The following PBX1 variants were observed in gnomAD, a reference collection of about 807,000 sequenced individuals.
PBX1 encodes PBX homeobox 1.
PBX1 carries 6 observed loss-of-function variants against 53.4 expected under a neutral mutation model. The ratio of observed to expected loss-of-function variants is 0.11; its 90% confidence interval spans 0.06 to 0.22. The LOEUF (loss-of-function observed/expected upper bound fraction) is 0.22. Ranked by LOEUF, PBX1 falls within the 10% of genes least tolerant of loss-of-function variation. The pLI is 1.00. For missense variants in PBX1, 251 were observed against 551.4 expected, an observed-to-expected ratio of 0.46 and a Z score of 5.46; for synonymous variants, 204 against 212.3, an observed-to-expected ratio of 0.96 and a Z score of 0.34.
At chr1:164,571,935 A>C (rs1288564372) in intron 2 of PBX1, among the ~76,000 whole-genome samples, 1 of 48,172 alleles carries the variant, frequency 2.1e-5, no homozygotes, top group Admixed American at 3.1e-4. Context: ...TTTTTTTTTT[A>C]AGATGGTGTG....
In PBX1 at chr1:164,805,879, A is replaced by T. The variant is rs768773049; in HGVS notation, c.702-1663A>T. 2.8e-4 allele frequency among the ~76,000 whole-genome samples: 43 copies of T among 152,314 alleles called. 1 individual carries two copies. Among genetic ancestry groups the T allele is most frequent in the Middle Eastern group, 3.4e-3 (1 of 294 alleles). On this transcript the variant is annotated intron_variant, in intron 4 of 8. Coordinates refer to ENST00000420696, the MANE Select transcript of PBX1 (RefSeq NM_002585.4). ...CTTGGGCTTGGCATAATCTGGACAG[A>T]TGTGGTTAATACCTGTGGACAGATG...
Position 164,764,175 on chromosome 1 carries a change from C to T in PBX1, c.266-28319C>T, listed in dbSNP as rs577319348. ...ATGAGCTCAGCAAGTGGGGTGTTTT[C>T]CCTCAGTTCTTTGTCTTCTATATCA... On this transcript the variant is annotated intron_variant, in intron 2 of 8. Transcript: ENST00000420696. 9.8e-4 allele frequency among the ~76,000 whole-genome samples: 149 copies of T among 152,230 alleles called. 1 individual carries two copies. The highest frequency in any genetic ancestry group is 1.8e-3 in the Non-Finnish European group (120 of 67,998).
intron 2 of PBX1, among the ~76,000 whole-genome samples, chr1:164,724,697 T>C (rs1368306321): frequency 2.9e-5 from 4 of 138,748 alleles, no homozygotes; most frequent in African/African-American, 1.1e-4. Context: ...TTTTTTTTTT[T>C]TTTTTTTTTT....
At position 164,752,900 on chromosome 1, in the gene PBX1, A is replaced by G. The variant is rs557912660; in HGVS notation, c.266-39594A>G. On this transcript the variant is annotated intron_variant, in intron 2 of 8. Coordinates refer to ENST00000420696, the MANE Select transcript of PBX1 (RefSeq NM_002585.4). ...GAATGTATATTGAATCCCTGAGACC[A>G]GTTTTAATTTTATAAGCTGCCTTTG... 1.4e-4 allele frequency among the ~76,000 whole-genome samples: 21 copies of G among 152,316 alleles called. No homozygotes were observed. The South Asian group carries it at 4.1e-3, about 30-fold the overall frequency.
chr1:164,622,096 C>T (rs1657717276), intron 2 of PBX1, among the ~76,000 whole-genome samples: 1 of 152,148 alleles, frequency 6.6e-6, no homozygotes, highest in Admixed American at 6.5e-5. Flanking sequence ...TGGCTGTAAT[C>T]CTTGTAAATG....
At chr1:164,816,024 A>G (rs1035502236) in intron 6 of PBX1, 5 of 152,208 alleles carry the variant, frequency 3.3e-5, no homozygotes, top group Admixed American at 3.3e-4. Flanking sequence ...TAGTAAATCC[A>G]CAGGAATTCT....
chr1:164,746,288 G>A (rs2102180281), intron 2 of PBX1, among the ~76,000 whole-genome samples: 1 of 152,320 alleles, frequency 6.6e-6, no homozygotes, highest in African/African-American at 2.4e-5. Context: ...GAAATTCATA[G>A]GTAAAAGTGG....
At chr1:164,870,329 C>A (rs1558053790) in intron 2 of PBX1, among the ~76,000 whole-genome samples, 1 of 103,284 alleles carries the variant, frequency 9.7e-6, no homozygotes. Context: ...TTCTTTCTTT[C>A]TTTCTTTCTT....
At chr1:164,702,142 A>G (rs1359346275) in intron 2 of PBX1, among the ~76,000 whole-genome samples, 1 of 152,094 alleles carries the variant, frequency 6.6e-6, no homozygotes, top group Non-Finnish European at 1.5e-5. Context: ...GAGGGAGCAC[A>G]GTGTGCCTTG....
chr1:164,606,177 C>T (rs1656536588), intron 2 of PBX1, among the ~76,000 whole-genome samples: 1 of 152,198 alleles, frequency 6.6e-6, no homozygotes, highest in Non-Finnish European at 1.5e-5. Flanking sequence ...TCTCATCTTT[C>T]AGTCTCTCCA....
intron 2 of PBX1, chr1:164,590,200 A>G (rs1655268357): frequency 5.5e-6 from 2 of 364,664 alleles, no homozygotes; most frequent in Admixed American, 3.5e-5. Flanking sequence ...CAACAGAGCG[A>G]GACCCTGTGT....
intron 4 of PBX1, among the ~76,000 whole-genome samples, chr1:164,804,040 ATTG>A (rs1217800699): frequency 3.3e-5 from 5 of 152,146 alleles, no homozygotes; most frequent in Admixed American, 3.3e-4. Context: ...ATTATTGTAC[ATTG>A]TTATATATAT....
At position 164,847,029 on chromosome 1, in the gene PBX1, G is replaced by GA; in HGVS notation, c.*360dup. The GA allele has an allele frequency of 8.9e-7, 1 of 1,129,488 alleles. No individual in the cohort carries two copies. Among genetic ancestry groups the GA allele is most frequent in the African/African-American group, 1.6e-5 (1 of 63,946 alleles). 70.0% of individuals were successfully genotyped at this position (1,129,488 alleles called of 1,614,324 possible). On this transcript the variant is annotated 3_prime_UTR_variant, in exon 9 of 9. Transcript: ENST00000420696. ...TCAACAATTAGAGGAATTTAAAGAG[G>GA]AAAAAAATTACAAAGAAAATAATAA...
intron 2 of PBX1, among the ~76,000 whole-genome samples, chr1:164,753,361 A>C (rs963329844): frequency 6.6e-6 from 1 of 152,220 alleles, no homozygotes; most frequent in Non-Finnish European, 1.5e-5. Flanking sequence ...AGACTAATGC[A>C]TCATTAATTT....
intron 2 of PBX1, among the ~76,000 whole-genome samples, chr1:164,788,966 C>T (rs1668349674): frequency 6.6e-6 from 1 of 152,102 alleles, no homozygotes; most frequent in Admixed American, 6.5e-5. Flanking sequence ...TATTTATTTG[C>T]AGGATTCACA....
intron 2 of PBX1, among the ~76,000 whole-genome samples, chr1:164,679,484 A>G (rs974144467): frequency 4.6e-5 from 7 of 152,162 alleles, no homozygotes; most frequent in Admixed American, 2.6e-4. Context: ...GATGGGACAC[A>G]GTGTATGCAA....
At chr1:164,648,908 G>T (rs1659621230) in intron 2 of PBX1, among the ~76,000 whole-genome samples, 1 of 152,212 alleles carries the variant, frequency 6.6e-6, no homozygotes, top group Non-Finnish European at 1.5e-5. Flanking sequence ...AAAATTGTGG[G>T]AGGGTCCAAA....
chr1:164,667,412 A>ATATG (rs1553227155), intron 2 of PBX1, among the ~76,000 whole-genome samples: 1 of 147,406 alleles, frequency 6.8e-6, no homozygotes, highest in South Asian at 2.2e-4. Flanking sequence ...TATGTATAAT[A>ATATG]TGTGTGTGTG....
At position 164,656,566 on chromosome 1, in the gene PBX1, AG is replaced by A. The variant is rs1571161594; in HGVS notation, c.265+93259del. 2.0e-5 allele frequency among the ~76,000 whole-genome samples: 3 copies of A among 152,272 alleles called. No individual in the cohort carries two copies. The East Asian group carries it at 5.8e-4, about 29-fold the overall frequency. On this transcript the variant is annotated intron_variant, in intron 2 of 8. Coordinates refer to ENST00000420696, the MANE Select transcript of PBX1 (RefSeq NM_002585.4). Reference sequence around the variant, plus strand: ...TTCCTTTCGTCTTAGACAAATTATGAGGGGAAACCTGTCTGAAATTTGGCTA... The same window carrying A: ...TTCCTTTCGTCTTAGACAAATTATGAGGGAAACCTGTCTGAAATTTGGCTA...
Sources: allele counts gnomAD v4.1 joint callset (sites outside exome capture counted in the v4.1 genomes callset), GRCh38; gene constraint gnomAD v4.1.1; transcripts MANE v1.5; gene names NCBI Gene and HGNC (gene_info 2026-07-23, HGNC 2026-07-21).